The following SLC35F3 variants were observed in gnomAD, a reference collection of about 807,000 sequenced individuals.
The protein encoded by SLC35F3 is putative thiamine transporter SLC35F3.
SLC35F3 carries 25 observed loss-of-function variants against 49.9 expected under a neutral mutation model. That is an observed-to-expected ratio of 0.50 (90% CI 0.37 to 0.70). The LOEUF is 0.70. SLC35F3 is among the 30% of genes least tolerant of loss of function. The pLI, the probability that SLC35F3 is intolerant of heterozygous loss-of-function variation, is 0.00. For synonymous variants in SLC35F3, 275 were observed against 265.4 expected (o/e 1.04, Z -0.35); for missense variants, 525 against 639.8 (o/e 0.82, Z 1.94).
chr1:234,306,004 C>T (rs949116272), intron 3 of SLC35F3, among the ~76,000 whole-genome samples: 3 of 152,082 alleles, frequency 2.0e-5, no homozygotes, highest in East Asian at 1.9e-4. Context: ...GTAATGTGGG[C>T]GTCAGTCAAG....
intron 2 of SLC35F3, among the ~76,000 whole-genome samples, chr1:234,052,762 C>T (rs1453732157): frequency 6.6e-6 from 1 of 152,160 alleles, no homozygotes; most frequent in East Asian, 1.9e-4. Flanking sequence ...CCTGCTTTCT[C>T]TTGTGGGCAT....
chr1:234,246,963 A>T (rs935101911), intron 3 of SLC35F3, among the ~76,000 whole-genome samples: 2 of 152,168 alleles, frequency 1.3e-5, no homozygotes, highest in Non-Finnish European at 2.9e-5. Flanking sequence ...AGCACAGAGG[A>T]GGTGGCAGAC....
chr1:234,047,765 G>A (rs1664316167), intron 2 of SLC35F3, among the ~76,000 whole-genome samples: 1 of 152,094 alleles, frequency 6.6e-6, no homozygotes, highest in South Asian at 2.1e-4. Context: ...GTGGAGATGG[G>A]GTGGTTGAAG....
intron 2 of SLC35F3, among the ~76,000 whole-genome samples, chr1:234,189,536 T>A (rs6668276): frequency 0.079 from 11,927 of 151,022 alleles, 1,326 homozygotes; most frequent in African/African-American, 0.25. Flanking sequence ...AAAGAATTTT[T>A]AAAAAATTAA....
intron 2 of SLC35F3, among the ~76,000 whole-genome samples, chr1:234,040,890 G>C (rs1664209853): frequency 6.6e-6 from 1 of 152,228 alleles, no homozygotes. Flanking sequence ...AGGCACCCAA[G>C]TTATTAATTC....
intron 2 of SLC35F3, among the ~76,000 whole-genome samples, chr1:234,201,778 G>A (rs1318484037): frequency 1.3e-5 from 2 of 152,058 alleles, no homozygotes; most frequent in Admixed American, 6.6e-5. Context: ...TTGGTTTTGC[G>A]TGTGGTTTTT....
intron 2 of SLC35F3, among the ~76,000 whole-genome samples, chr1:234,088,290 C>T (rs1233095442): frequency 1.3e-5 from 2 of 152,222 alleles, no homozygotes; most frequent in East Asian, 1.9e-4. Flanking sequence ...TCACTGCAAC[C>T]TCCATCTCCT....
intron 3 of SLC35F3, among the ~76,000 whole-genome samples, chr1:234,261,244 G>A (rs140177293): frequency 0.011 from 1,664 of 152,220 alleles, 28 homozygotes; most frequent in African/African-American, 0.038. Context: ...TATTAAGAAA[G>A]TAAAGGAATA....
At chr1:234,255,144 G>A (rs563540) in intron 3 of SLC35F3, among the ~76,000 whole-genome samples, 123,078 of 152,192 alleles carry the variant, frequency 0.81, 50,248 homozygotes, top group African/African-American at 0.92. Context: ...AAAACGTACA[G>A]AGAACCCTTA....
intron 3 of SLC35F3, among the ~76,000 whole-genome samples, chr1:234,275,687 G>A (rs1668196042): frequency 6.7e-6 from 1 of 150,162 alleles, no homozygotes; most frequent in Non-Finnish European, 1.5e-5. Flanking sequence ...CAGATAGTCA[G>A]TTTTCCTGCA....
chr1:234,130,207 C>G (rs1665713418), intron 2 of SLC35F3, among the ~76,000 whole-genome samples: 1 of 152,046 alleles, frequency 6.6e-6, no homozygotes, highest in Admixed American at 6.5e-5. Flanking sequence ...ACCAAACAAC[C>G]AAACAGGTAT....
chr1:234,289,370 A>T (rs1350100355), intron 3 of SLC35F3, among the ~76,000 whole-genome samples: 1 of 152,184 alleles, frequency 6.6e-6, no homozygotes, highest in African/African-American at 2.4e-5. Context: ...GAAGAACCAA[A>T]CTTCCCACCG....
chr1:234,029,899 T>A (rs1664033026), intron 2 of SLC35F3, among the ~76,000 whole-genome samples: 1 of 152,126 alleles, frequency 6.6e-6, no homozygotes, highest in South Asian at 2.1e-4. Context: ...AAAATAAGGA[T>A]TTGATTCTGT....
At chr1:234,080,332 A>G (rs1402778053) in intron 2 of SLC35F3, among the ~76,000 whole-genome samples, 2 of 152,168 alleles carry the variant, frequency 1.3e-5, no homozygotes, top group East Asian at 3.9e-4. Flanking sequence ...ACAGTATCAC[A>G]GGTGGTTCCT....
chr1:234,100,673 A>G (rs1665201503), intron 2 of SLC35F3, among the ~76,000 whole-genome samples: 1 of 152,116 alleles, frequency 6.6e-6, no homozygotes, highest in Admixed American at 6.5e-5. Flanking sequence ...ATGCACATTA[A>G]TACTCTGAGG....
intron 2 of SLC35F3, among the ~76,000 whole-genome samples, chr1:234,222,293 C>G (rs1439943316): frequency 6.6e-6 from 1 of 152,164 alleles, no homozygotes; most frequent in Non-Finnish European, 1.5e-5. Flanking sequence ...ATTGTTGGTT[C>G]AGAATGTCTA....
At chr1:233,948,615 G>C (rs1283842663) in intron 2 of SLC35F3, among the ~76,000 whole-genome samples, 2 of 150,922 alleles carry the variant, frequency 1.3e-5, no homozygotes, top group Non-Finnish European at 2.9e-5. Context: ...ACATTGTGCA[G>C]GTTAGTTACA....
chr1:233,940,586 A>G (rs909389230), intron 2 of SLC35F3, among the ~76,000 whole-genome samples: 1 of 152,228 alleles, frequency 6.6e-6, no homozygotes, highest in African/African-American at 2.4e-5. Flanking sequence ...CAATCCCTTC[A>G]TTTGTTACTC....
At chr1:234,129,682 G>A (rs1003156734) in intron 2 of SLC35F3, among the ~76,000 whole-genome samples, 3 of 152,148 alleles carry the variant, frequency 2.0e-5, no homozygotes, top group South Asian at 2.1e-4. Context: ...ATAAATTTAC[G>A]CTAATTAGGA....
Sources: gnomAD v4.1 joint callset for allele counts (sites outside exome capture counted in the v4.1 genomes callset) on GRCh38, gnomAD v4.1.1 for gene constraint, MANE v1.5 for transcripts, NCBI Gene and HGNC (gene_info 2026-07-23, HGNC 2026-07-21) for gene names.